DHX35: variants seen among roughly 807,000 people sequenced by gnomAD.
DHX35 encodes the protein DEAH-box helicase 35, also known as probable ATP-dependent RNA helicase DHX35.
DHX35 carries 84 observed loss-of-function variants against 99.6 expected under a neutral mutation model. The ratio of observed to expected loss-of-function variants is 0.84; its 90% CI spans 0.71 to 1.01. DHX35 has a LOEUF of 1.01. Among genes scored for constraint, DHX35 ranks in the 50% least tolerant of loss-of-function variants. The pLI is 0.00. For missense variants in DHX35, 852 were observed against 888.5 expected (o/e 0.96, Z 0.52); for synonymous variants, 331 against 316.2 (o/e 1.05, Z -0.50).
At chr20:38,962,642 C>T (rs2145819863) in intron 1 of DHX35, 1 of 547,644 alleles carries the variant, frequency 1.8e-6, no homozygotes, top group South Asian at 2.3e-5. Flanking sequence ...AGTGGTCCAG[C>T]CTCCTCAGGC....
At chr20:38,972,275 T>G (rs2086013538) in intron 2 of DHX35, among the ~76,000 whole-genome samples, 2 of 152,210 alleles carry the variant, frequency 1.3e-5, no homozygotes, top group South Asian at 4.1e-4. Flanking sequence ...CCTCCCAAAG[T>G]GCTGGGATTG....
At chr20:39,029,606 G>T (rs2087013146) in intron 19 of DHX35, 1 of 151,978 alleles carries the variant, frequency 6.6e-6, no homozygotes, top group Non-Finnish European at 1.5e-5. Context: ...ACTTGTCCAT[G>T]TGGAGGCGAC....
chr20:38,993,514 C>T (rs927025902), intron 7 of DHX35, among the ~76,000 whole-genome samples: 2 of 152,130 alleles, frequency 1.3e-5, no homozygotes, highest in Admixed American at 6.5e-5. Context: ...GCATTTGCCA[C>T]CATGCCTGGC....
chr20:39,021,555 G>T (rs892845858), intron 15 of DHX35, among the ~76,000 whole-genome samples: 1 of 152,082 alleles, frequency 6.6e-6, no homozygotes, highest in African/African-American at 2.4e-5. Context: ...GAATGCAGTG[G>T]CGTGAACTTG....
At chr20:39,016,458 C>T (rs1297815172) in intron 14 of DHX35, among the ~76,000 whole-genome samples, 1 of 152,176 alleles carries the variant, frequency 6.6e-6, no homozygotes, top group Non-Finnish European at 1.5e-5. Flanking sequence ...CATGTTGTAA[C>T]GTATATTCAT....
intron 20 of DHX35, 95 bp from the exon 21 acceptor site, chr20:39,034,110 AC>A: frequency 1.2e-6 from 1 of 868,492 alleles, no homozygotes; most frequent in South Asian, 1.4e-5. Context: ...ATAGAGTAGA[AC>A]CTGTTAAAGG....
chr20:39,032,651 G>T (rs886913849), intron 20 of DHX35, among the ~76,000 whole-genome samples: 1 of 152,132 alleles, frequency 6.6e-6, no homozygotes, highest in African/African-American at 2.4e-5. Context: ...TCAAAATGTG[G>T]TCTCCAGCCC....
At chr20:38,966,242 C>T (rs989590345) in intron 1 of DHX35, among the ~76,000 whole-genome samples, 5 of 152,198 alleles carry the variant, frequency 3.3e-5, no homozygotes, top group Admixed American at 1.3e-4. Context: ...AGCGTACGCT[C>T]AAGGAAAAAT....
At chr20:39,002,961 A>C in intron 10 of DHX35, 93 bp downstream of exon 10, 1 of 1,103,882 alleles carries the variant, frequency 9.1e-7, no homozygotes, top group Non-Finnish European at 1.3e-6. Context: ...CATGTATTTC[A>C]TGTTTTGTTG....
intron 1 of DHX35, among the ~76,000 whole-genome samples, chr20:38,965,125 C>T (rs1331487283): frequency 2.0e-5 from 3 of 152,168 alleles, no homozygotes; most frequent in Admixed American, 1.3e-4. Flanking sequence ...CTAAGGAATT[C>T]CAGCATGCAT....
At position 39,010,327 on chromosome 20, in the gene DHX35, C is replaced by A. The variant is rs778870843; in HGVS notation, c.1270C>A (p.Arg424Ser). The stretch of plus-strand genomic sequence containing the variant: ...TCAGTCTACGGTTCCTGAGATGCAG[C>A]GTAGTAATTTGGCACCTGTCATCCT... The part of the protein sequence containing the change: ...LPQSTVPEMQ[R>S]SNLAPVILQL... Residue 424 changes from arginine (R) to serine (S), a missense_variant, in exon 13 of 22, where the codon CGT becomes AGT. Physicochemically the swap from Arg to Ser is moderately radical, Grantham distance 110. Transcript: ENST00000252011. 4 of 1,614,110 alleles carry A rather than the reference C, an allele frequency of 2.5e-6. No individual in the cohort carries two copies. The highest frequency in any genetic ancestry group is 4.5e-5 in the East Asian group (2 of 44,874).
At chr20:39,003,449 C>T (rs2086556837) in intron 10 of DHX35, among the ~76,000 whole-genome samples, 2 of 152,090 alleles carry the variant, frequency 1.3e-5, no homozygotes, top group Admixed American at 6.5e-5. Flanking sequence ...TGTTTGACAC[C>T]GTATATGTAT....
intron 5 of DHX35, among the ~76,000 whole-genome samples, chr20:38,989,183 C>T (rs897420944): frequency 1.3e-5 from 2 of 150,256 alleles, no homozygotes; most frequent in African/African-American, 4.9e-5. Flanking sequence ...CTGCAAGCTC[C>T]GCCTCCTGGG....
At chr20:38,996,893 T>G (rs527670511) in intron 8 of DHX35, among the ~76,000 whole-genome samples, 10 of 152,060 alleles carry the variant, frequency 6.6e-5, no homozygotes, top group Non-Finnish European at 1.5e-4. Context: ...TGTGGCTGAC[T>G]TCACCTCTAG....
intron 14 of DHX35, among the ~76,000 whole-genome samples, chr20:39,016,127 T>C (rs1197921228): frequency 6.6e-6 from 1 of 152,220 alleles, no homozygotes; most frequent in Middle Eastern, 3.2e-3. Flanking sequence ...CTCAGCCTGC[T>C]TCCACTCAAG....
intron 12 of DHX35, among the ~76,000 whole-genome samples, chr20:39,007,358 T>G (rs1006396357): frequency 5.9e-5 from 9 of 152,056 alleles, no homozygotes; most frequent in Non-Finnish European, 1.3e-4. Context: ...GTGGTGGAGG[T>G]AGACCTCAAA....
chr20:38,993,854 G>A (rs1316319113), intron 7 of DHX35, among the ~76,000 whole-genome samples: 1 of 152,088 alleles, frequency 6.6e-6, no homozygotes, highest in Non-Finnish European at 1.5e-5. Context: ...AAGTAAGATA[G>A]CAAAAAACTT....
At position 38,977,416 on chromosome 20, in the gene DHX35, G is replaced by T. The variant is rs188801601; in HGVS notation, c.267+4765G>T. ...TCTTCTTTTGAGAAATGTCTATTCA[G>T]GTCTTTTGCCCATCTTTTTTTTAAC... is the stretch of plus-strand genomic sequence containing the variant. On this transcript the variant is annotated intron_variant, in intron 3 of 21. Coordinates refer to ENST00000252011, the MANE Select transcript of DHX35 (RefSeq NM_021931.4). Among the ~76,000 whole-genome samples the T allele has an allele frequency of 1.6e-3, 248 of 152,176 alleles. 2 individuals carry two copies. The highest frequency in any genetic ancestry group is 0.01 in the Middle Eastern group (3 of 294).
At chr20:38,962,766 A>G (rs1012218056) in intron 1 of DHX35, 5 of 289,540 alleles carry the variant, frequency 1.7e-5, no homozygotes, top group Non-Finnish European at 2.6e-5. Context: ...CCGACAGACA[A>G]TGCTGCTCGC....
Sources: gnomAD v4.1 joint callset for allele counts (sites outside exome capture counted in the v4.1 genomes callset) on GRCh38, gnomAD v4.1.1 for gene constraint, MANE v1.5 for transcripts, NCBI Gene and HGNC (gene_info 2026-07-23, HGNC 2026-07-21) for gene names.